The following MEIS2 variants were observed in gnomAD, a reference collection of about 807,000 sequenced individuals.
The protein encoded by MEIS2 is Meis homeobox 2.
Under a neutral mutation model 58.6 loss-of-function variants are expected in MEIS2, and 9 were observed. The ratio of observed to expected loss-of-function variants is 0.15; its 90% CI spans 0.09 to 0.27. MEIS2 has a LOEUF of 0.27. Among genes scored for constraint, MEIS2 ranks in the 10% least tolerant of loss-of-function variants. MEIS2 has a pLI of 1.00. For synonymous variants in MEIS2, 221 were observed against 228.4 expected, an observed-to-expected ratio of 0.97 and a Z score of 0.29; for missense variants, 427 against 635.0, an observed-to-expected ratio of 0.67 and a Z score of 3.52.
chr15:36,908,411 T>C (rs1595697563), intron 9 of MEIS2, among the ~76,000 whole-genome samples: 1 of 152,152 alleles, frequency 6.6e-6, no homozygotes, highest in Non-Finnish European at 1.5e-5. Context: ...TAGTGGATTT[T>C]CCCCCCGATT....
At chr15:36,925,494 T>G (rs1487311840) in intron 9 of MEIS2, among the ~76,000 whole-genome samples, 1 of 152,244 alleles carries the variant, frequency 6.6e-6, no homozygotes, top group Non-Finnish European at 1.5e-5. Flanking sequence ...TTTTTTCATT[T>G]TTTTTTATTG....
At chr15:37,007,658 C>G (rs1033165433) in intron 8 of MEIS2, among the ~76,000 whole-genome samples, 4 of 152,236 alleles carry the variant, frequency 2.6e-5, no homozygotes, top group African/African-American at 7.2e-5. Flanking sequence ...AACATTCTAA[C>G]TAACACAGCT....
At chr15:36,971,553 A>AAAAAAAAAAAAAAAAAAAAAT in intron 8 of MEIS2, among the ~76,000 whole-genome samples, 1 of 132,064 alleles carries the variant, frequency 7.6e-6, no homozygotes, top group South Asian at 2.3e-4. Flanking sequence ...AAAAAAAAAA[A>AAAAAAAAAAAAAAAAAAAAAT]AAAAAAAAAA....
chr15:36,965,325 T>C (rs1367849923), intron 8 of MEIS2, among the ~76,000 whole-genome samples: 1 of 152,204 alleles, frequency 6.6e-6, no homozygotes, highest in Non-Finnish European at 1.5e-5. Context: ...ACAGATAAAA[T>C]AATTATGTGA....
intron 1 of MEIS2, 177 bp from the exon 2 acceptor site, chr15:37,098,376 G>A (rs1894597798): frequency 9.1e-7 from 1 of 1,102,320 alleles, no homozygotes; most frequent in Non-Finnish European, 1.1e-6. Context: ...AAGGAGGAGA[G>A]GGGGAGAGAG....
chr15:37,016,068 A>AT (rs1206709787), intron 8 of MEIS2, among the ~76,000 whole-genome samples: 3 of 152,068 alleles, frequency 2.0e-5, no homozygotes, highest in Non-Finnish European at 4.4e-5. Flanking sequence ...GAAAAAACAA[A>AT]TTTTGATTTT....
At chr15:36,974,187 C>T (rs1031242198) in intron 8 of MEIS2, among the ~76,000 whole-genome samples, 2 of 152,114 alleles carry the variant, frequency 1.3e-5, no homozygotes, top group Admixed American at 6.5e-5. Flanking sequence ...TATATCAGGG[C>T]TGATATTGAA....
At chr15:37,042,471 C>T (rs1013957182) in intron 7 of MEIS2, among the ~76,000 whole-genome samples, 3 of 152,200 alleles carry the variant, frequency 2.0e-5, no homozygotes, top group African/African-American at 7.2e-5. Flanking sequence ...GCCCAAGATG[C>T]CACAGCTACA....
intron 7 of MEIS2, among the ~76,000 whole-genome samples, chr15:37,040,866 G>A (rs552318179): frequency 5.1e-4 from 77 of 152,228 alleles, no homozygotes; most frequent in South Asian, 4.2e-4. Context: ...GTCCTAGGGC[G>A]GGAAAAAGGA....
chr15:37,099,711 C>G lies in MEIS2; in HGVS notation c.-245G>C. 2.4e-6 allele frequency: 1 copy of G among 421,222 alleles called. No homozygotes were observed. The highest frequency in any genetic ancestry group is 4.2e-6 in the Non-Finnish European group (1 of 236,512). 26.1% of individuals were successfully genotyped at this position (421,222 alleles called of 1,614,324 possible). A position where few individuals can be genotyped will look rare whatever the true frequency, so the allele number is the denominator to read the frequency against. ...CTTCTTCCTCCTCCTCCTGATCTTC[C>G]TCCTCCTCCTCCACCTCCTCCTCCT... On this transcript the variant is annotated 5_prime_UTR_variant, in exon 1 of 12. Coordinates refer to ENST00000561208, the MANE Select transcript of MEIS2 (RefSeq NM_170675.5).
intron 1 of MEIS2, chr15:37,098,858 G>C (rs1235809447): frequency 4.2e-6 from 4 of 954,706 alleles, no homozygotes; most frequent in Non-Finnish European, 5.0e-6. Context: ...CCTCCCCGGG[G>C]GCAGGGAGCG....
At chr15:37,017,384 G>A (rs774599959) in intron 8 of MEIS2, among the ~76,000 whole-genome samples, 1 of 152,076 alleles carries the variant, frequency 6.6e-6, no homozygotes, top group Admixed American at 6.6e-5. Context: ...CAGAGGATCC[G>A]CTTGAGCCCA....
At chr15:36,981,952 C>G (rs972001459) in intron 8 of MEIS2, among the ~76,000 whole-genome samples, 49 of 152,076 alleles carry the variant, frequency 3.2e-4, no homozygotes, top group African/African-American at 1.1e-3. Context: ...CCAAAACCCC[C>G]AAGTTCCAGT....
At chr15:37,011,198 T>C (rs79971560) in intron 8 of MEIS2, among the ~76,000 whole-genome samples, 3,297 of 152,346 alleles carry the variant, frequency 0.022, 124 homozygotes, top group African/African-American at 0.074. Context: ...ACTTACTAAA[T>C]TTAGATACGT....
At chr15:36,924,612 C>T (rs1313628841) in intron 9 of MEIS2, among the ~76,000 whole-genome samples, 1 of 152,180 alleles carries the variant, frequency 6.6e-6, no homozygotes, top group Non-Finnish European at 1.5e-5. Flanking sequence ...ACTACATAGA[C>T]TTGCCGCGAA....
intron 8 of MEIS2, among the ~76,000 whole-genome samples, chr15:37,028,241 T>C (rs968997001): frequency 3.9e-5 from 6 of 152,200 alleles, no homozygotes; most frequent in Non-Finnish European, 7.3e-5. Flanking sequence ...GTTTTTGCAT[T>C]GAGGAGACTA....
At chr15:36,958,637 CTG>C (rs2059074727) in intron 8 of MEIS2, among the ~76,000 whole-genome samples, 1 of 152,144 alleles carries the variant, frequency 6.6e-6, no homozygotes, top group African/African-American at 2.4e-5. Context: ...TTCCTATTGA[CTG>C]AGACTTTAAA....
intron 8 of MEIS2, among the ~76,000 whole-genome samples, chr15:37,024,145 G>A (rs914770904): frequency 2.7e-4 from 41 of 151,902 alleles, no homozygotes; most frequent in African/African-American, 8.4e-4. Flanking sequence ...TGATCCACCC[G>A]CCTCGGCCTC....
chr15:36,953,337 A>G lies in MEIS2; in HGVS notation c.901-2937T>C, dbSNP rs188257643. Among the ~76,000 whole-genome samples, 64 of 152,322 alleles carry G rather than the reference A, an allele frequency of 4.2e-4. No individual in the cohort carries two copies. The Middle Eastern group carries it at 0.01, about 24-fold the overall frequency. Reference sequence around the variant, plus strand: ...ATGGGAAGCCTTCACTTCTTCTTTGATGTATATTACTAAATGTCTGACTGG... The same window carrying G: ...ATGGGAAGCCTTCACTTCTTCTTTGGTGTATATTACTAAATGTCTGACTGG... On this transcript the variant is annotated intron_variant, in intron 8 of 11. Transcript: ENST00000561208.
Sources: allele counts gnomAD v4.1 joint callset (sites outside exome capture counted in the v4.1 genomes callset), GRCh38; gene constraint gnomAD v4.1.1; transcripts MANE v1.5; gene names NCBI Gene and HGNC (gene_info 2026-07-23, HGNC 2026-07-21).